Variants in ZNF385D observed in about 807,000 individuals in gnomAD.
The protein encoded by ZNF385D is zinc finger protein 659.
In ZNF385D, 15 loss-of-function variants were observed where a neutral mutation model predicts 35.8. The observed-to-expected ratio is 0.42, with a 90% confidence interval of 0.28 to 0.64. The LOEUF is 0.64. ZNF385D is among the 30% of genes least tolerant of loss of function. The pLI, the probability that ZNF385D is intolerant of heterozygous loss-of-function variation, is 0.23. For missense variants in ZNF385D, 474 were observed against 494.6 expected (o/e 0.96, Z 0.39); for synonymous variants, 212 against 186.8 (o/e 1.13, Z -1.10).
intron 3 of ZNF385D, among the ~76,000 whole-genome samples, chr3:22,032,492 C>A (rs1381751515): frequency 6.6e-6 from 1 of 152,184 alleles, no homozygotes; most frequent in Non-Finnish European, 1.5e-5. Flanking sequence ...CCACCAGGTT[C>A]TTCCCTTGAC....
At chr3:22,147,662 G>C (rs1704946884) in intron 3 of ZNF385D, among the ~76,000 whole-genome samples, 1 of 152,118 alleles carries the variant, frequency 6.6e-6, no homozygotes, top group African/African-American at 2.4e-5. Context: ...GATAATATTA[G>C]GCACATTAGG....
At chr3:22,162,643 T>C (rs7653662) in intron 3 of ZNF385D, among the ~76,000 whole-genome samples, 13,838 of 152,218 alleles carry the variant, frequency 0.091, 951 homozygotes, top group African/African-American at 0.19. Context: ...CACTACGCAG[T>C]AGGCAGCCAT....
At chr3:21,741,920 T>C (rs577577116) in intron 1 of ZNF385D, among the ~76,000 whole-genome samples, 2 of 152,288 alleles carry the variant, frequency 1.3e-5, no homozygotes, top group Non-Finnish European at 2.9e-5. Flanking sequence ...AGATTAGATG[T>C]GGCCTCTAAG....
At chr3:21,449,084 A>C (rs1299887481) in intron 4 of ZNF385D, among the ~76,000 whole-genome samples, 1 of 89,058 alleles carries the variant, frequency 1.1e-5, no homozygotes, top group African/African-American at 4.9e-5. Flanking sequence ...ATTTAAGTAT[A>C]TATTTAAGAA....
intron 3 of ZNF385D, among the ~76,000 whole-genome samples, chr3:22,005,163 G>A (rs1366630022): frequency 6.6e-6 from 1 of 150,438 alleles, no homozygotes; most frequent in Admixed American, 6.6e-5. Flanking sequence ...CATACAAATG[G>A]CCCACAGGTA....
intron 3 of ZNF385D, among the ~76,000 whole-genome samples, chr3:21,857,017 G>A (rs961834733): frequency 3.9e-5 from 6 of 152,000 alleles, no homozygotes; most frequent in Admixed American, 3.3e-4. Flanking sequence ...GGTTCTATTC[G>A]AAGCAGAAAT....
intron 2 of ZNF385D, among the ~76,000 whole-genome samples, chr3:21,598,303 G>A (rs2064181948): frequency 6.6e-6 from 1 of 152,076 alleles, no homozygotes. Flanking sequence ...TTTCAAAAAG[G>A]TAAGGATAAG....
At chr3:21,876,264 G>A (rs939493896) in intron 3 of ZNF385D, among the ~76,000 whole-genome samples, 6 of 151,332 alleles carry the variant, frequency 4.0e-5, no homozygotes, top group African/African-American at 1.2e-4. Context: ...TCCAAATCTG[G>A]TGTGTTTTTT....
intron 3 of ZNF385D, among the ~76,000 whole-genome samples, chr3:21,765,824 C>A (rs2070807564): frequency 6.6e-6 from 1 of 151,966 alleles, no homozygotes; most frequent in South Asian, 2.1e-4. Context: ...TTGGTTAATT[C>A]AAAAGTTTCT....
chr3:22,217,946 T>C (rs534895485), intron 2 of ZNF385D, among the ~76,000 whole-genome samples: 2 of 152,286 alleles, frequency 1.3e-5, no homozygotes, highest in South Asian at 4.1e-4. Context: ...CTCCCTCTCT[T>C]TCAAATTCAC....
chr3:22,003,235 T>G (rs1231415099), intron 3 of ZNF385D, among the ~76,000 whole-genome samples: 1 of 152,146 alleles, frequency 6.6e-6, no homozygotes, highest in East Asian at 1.9e-4. Context: ...ACTTGCAGGA[T>G]ACAAAAATCA....
chr3:21,447,641 T>A (rs1702222820), intron 4 of ZNF385D, among the ~76,000 whole-genome samples: 1 of 152,310 alleles, frequency 6.6e-6, no homozygotes, highest in East Asian at 1.9e-4. Context: ...CTATCCACGA[T>A]ATCTAACGGT....
intron 2 of ZNF385D, among the ~76,000 whole-genome samples, chr3:22,222,368 T>C (rs1202565317): frequency 6.6e-6 from 1 of 152,082 alleles, no homozygotes; most frequent in Non-Finnish European, 1.5e-5. Context: ...ACCTACTGAA[T>C]GAAAAAAACT....
intron 1 of ZNF385D, among the ~76,000 whole-genome samples, chr3:21,725,652 T>G (rs1280478681): frequency 6.6e-6 from 1 of 152,204 alleles, no homozygotes; most frequent in Non-Finnish European, 1.5e-5. Context: ...AATCTCTGCA[T>G]AGAACAATAA....
chr3:21,684,839 C>T (rs1238871883), intron 1 of ZNF385D, among the ~76,000 whole-genome samples: 2 of 152,062 alleles, frequency 1.3e-5, no homozygotes, highest in South Asian at 2.1e-4. Flanking sequence ...AAAAAATTAA[C>T]GATTAATTTT....
intron 2 of ZNF385D, among the ~76,000 whole-genome samples, chr3:21,663,890 A>AATATATATATATGTATATATATATAT (rs2066310666): frequency 1.6e-5 from 1 of 64,418 alleles, no homozygotes; most frequent in Non-Finnish European, 3.1e-5. Flanking sequence ...TTGTGGGCCG[A>AATATATATATATGTATATATATATAT]ATATATATAT....
In ZNF385D at chr3:21,581,139, ATTCATTTTCCATTACTGC is replaced by A. The variant is rs1157709800; in HGVS notation, c.166-16473_166-16456del. On this transcript the variant is annotated intron_variant, in intron 2 of 7. Coordinates refer to ENST00000281523, the MANE Select transcript of ZNF385D (RefSeq NM_024697.3). ...GAACTAGCCAGGTCTACATTTCTCCATTCATTTTCCATTACTGCTTGCCCCAGACATTTTGCTGCAATA... is the reference window on the plus strand; with the variant it reads ...GAACTAGCCAGGTCTACATTTCTCCATTGCCCCAGACATTTTGCTGCAATA... 2.6e-5 allele frequency among the ~76,000 whole-genome samples: 4 copies of A among 152,250 alleles called. No individual in the cohort carries two copies. In the East Asian group the frequency reaches 7.7e-4, roughly 29 times the overall value.
At chr3:22,022,291 C>T (rs1270627863) in intron 3 of ZNF385D, among the ~76,000 whole-genome samples, 1 of 152,064 alleles carries the variant, frequency 6.6e-6, no homozygotes, top group African/African-American at 2.4e-5. Context: ...AGTTTTAATT[C>T]ATAAGTTTAT....
At chr3:21,480,869 C>T (rs1384308541) in intron 4 of ZNF385D, among the ~76,000 whole-genome samples, 2 of 152,050 alleles carry the variant, frequency 1.3e-5, no homozygotes, top group Non-Finnish European at 2.9e-5. Context: ...CAATTTTAAC[C>T]AAATAACAGC....
Sources: allele counts gnomAD v4.1 joint callset (sites outside exome capture counted in the v4.1 genomes callset), GRCh38; gene constraint gnomAD v4.1.1; transcripts MANE v1.5; gene names NCBI Gene and HGNC (gene_info 2026-07-23, HGNC 2026-07-21).